The following GALNT16 variants were observed in gnomAD, a reference collection of about 807,000 sequenced individuals.
GALNT16 encodes polypeptide N-acetylgalactosaminyltransferase 16.
A neutral mutation model predicts 76.1 loss-of-function variants in GALNT16; 40 were observed. The observed-to-expected ratio is 0.53, with a 90% CI of 0.41 to 0.68. The LOEUF (loss-of-function observed/expected upper bound fraction) is 0.68. Ranked by LOEUF, GALNT16 falls within the 30% of genes least tolerant of loss-of-function variation. The pLI, the probability that GALNT16 is intolerant of heterozygous loss-of-function variation, is 0.00. For missense variants in GALNT16, 621 were observed against 731.9 expected (o/e 0.85, Z 1.75); for synonymous variants, 276 against 285.2 (o/e 0.97, Z 0.32).
At chr14:69,296,108 C>T in intron 1 of GALNT16, among the ~76,000 whole-genome samples, 1 of 152,166 alleles carries the variant, frequency 6.6e-6, no homozygotes, top group African/African-American at 2.4e-5. Flanking sequence ...CCTCAGGAAA[C>T]TTCCAATCAT....
intron 11 of GALNT16, 111 bp downstream of exon 11, chr14:69,339,730 CTG>C: frequency 3.1e-6 from 2 of 646,892 alleles, no homozygotes; most frequent in Non-Finnish European, 5.4e-6. Context: ...TCCCCAGCCA[CTG>C]AGGTCCCACT....
At chr14:69,363,660 GGTCA>G in the GALNT16 span, among the ~76,000 whole-genome samples, 1 of 138,638 alleles carries the variant, frequency 7.2e-6, no homozygotes, top group East Asian at 2.3e-4. Context: ...GTACAGAAGT[GGTCA>G]GTAAGTGTGT....
the GALNT16 span, among the ~76,000 whole-genome samples, chr14:69,374,832 T>C: frequency 3.9e-5 from 6 of 152,198 alleles, no homozygotes; most frequent in Non-Finnish European, 8.8e-5. Context: ...AGGGCCTTCA[T>C]GTCATCCCAT....
In GALNT16 at chr14:69,324,921, G is replaced by T. The variant is rs1049956929; in HGVS notation, c.434+131G>T. 4.0e-5 allele frequency: 24 copies of T among 595,594 alleles called. No homozygotes were observed. In the African/African-American group the frequency reaches 4.3e-4, roughly 11 times the overall value. The allele number at this position is 595,594 out of a possible 1,614,324, so 36.9% of individuals were successfully genotyped here. A position where few individuals can be genotyped will look rare whatever the true frequency, so the allele number is the denominator to read the frequency against. ...GAGTCCTGTACTTCTGAGAGGCTGAGACTGGTGAATCAGGGCCAGGAAGAC... is the reference window on the plus strand; with the variant it reads ...GAGTCCTGTACTTCTGAGAGGCTGATACTGGTGAATCAGGGCCAGGAAGAC... On this transcript the variant is annotated intron_variant, in intron 3 of 14. Transcript: ENST00000448469.
At chr14:69,271,045 C>G (rs1262093373) in intron 1 of GALNT16, among the ~76,000 whole-genome samples, 4 of 152,084 alleles carry the variant, frequency 2.6e-5, no homozygotes, top group African/African-American at 9.7e-5. Context: ...AAGTGGAAAG[C>G]AGAGGCTACC....
chr14:69,260,317 C>T lies in GALNT16; in HGVS notation c.27C>T (p.Ile9=). ...TGAGGAAGATCCGCGCCAATGCCAT[C>T]GCCATCCTGACCGTAGCCTGGATCC... is the stretch of plus-strand genomic sequence containing the variant. MRKIRANA[I]AILTVAWILG... The change falls in exon 1 of 15, where the codon ATC becomes ATT. Residue 9 remains isoleucine (I), a synonymous_variant. Coordinates refer to ENST00000448469, the MANE Select transcript of GALNT16 (RefSeq NM_001168368.2). 6.2e-7 allele frequency: 1 copy of T among 1,612,994 alleles called. No homozygotes were observed. Among genetic ancestry groups the T allele is most frequent in the Non-Finnish European group, 8.5e-7 (1 of 1,179,472 alleles).
chr14:69,273,276 C>T (rs1169987680), intron 1 of GALNT16, among the ~76,000 whole-genome samples: 1 of 152,192 alleles, frequency 6.6e-6, no homozygotes, highest in African/African-American at 2.4e-5. Context: ...AAGCCTTTTA[C>T]TCCCCTGGAA....
At chr14:69,379,505 C>T in the GALNT16 span, among the ~76,000 whole-genome samples, 5 of 152,244 alleles carry the variant, frequency 3.3e-5, no homozygotes, top group East Asian at 9.6e-4. Context: ...CATGAGCCTT[C>T]CAAAAAACTT....
intron 1 of GALNT16, among the ~76,000 whole-genome samples, chr14:69,288,547 C>G (rs571504762): frequency 6.6e-6 from 1 of 152,312 alleles, no homozygotes; most frequent in Non-Finnish European, 1.5e-5. Flanking sequence ...GGCCACGTTT[C>G]CTTCATTCAT....
intron 1 of GALNT16, among the ~76,000 whole-genome samples, chr14:69,308,688 C>G (rs1336144125): frequency 1.3e-5 from 2 of 152,162 alleles, no homozygotes; most frequent in Non-Finnish European, 2.9e-5. Flanking sequence ...AATCTATTGC[C>G]TAAACCAGGA....
At chr14:69,294,279 G>A (rs567198974) in intron 1 of GALNT16, among the ~76,000 whole-genome samples, 4 of 152,136 alleles carry the variant, frequency 2.6e-5, no homozygotes, top group South Asian at 2.1e-4. Context: ...GTGCCACTGC[G>A]CCTGGCTAAG....
intron 7 of GALNT16, chr14:69,332,527 T>TG (rs2045363697): frequency 6.4e-6 from 1 of 156,924 alleles, no homozygotes; most frequent in African/African-American, 2.4e-5. Flanking sequence ...AATCTGTTGC[T>TG]GGGAGCTGGC....
chr14:69,380,479 C>T, the GALNT16 span: 13 of 924,164 alleles, frequency 1.4e-5, no homozygotes, highest in Middle Eastern at 3.2e-4. Context: ...TCCACTACAG[C>T]ACGCTGTACA....
intron 2 of GALNT16, among the ~76,000 whole-genome samples, chr14:69,323,385 G>C (rs2045231810): frequency 6.6e-6 from 1 of 152,184 alleles, no homozygotes; most frequent in Non-Finnish European, 1.5e-5. Context: ...CCGGTGGGGA[G>C]GTCAAGTTCA....
Position 69,328,514 on chromosome 14 carries a change from T to C in GALNT16, c.633T>C (p.Asp211=), listed in dbSNP as rs1383345109. The change falls in exon 6 of 15, where the codon GAT becomes GAC. Residue 211 remains aspartate (D), a synonymous_variant. Transcript: ENST00000448469. The part of the protein sequence containing the change: ...VAAATVLTFL[D]SHCEVNTEWL... ...CAGCTACCGTTCTCACCTTTCTGGA[T>C]AGCCACTGCGAAGTGAACACCGAGT... is the stretch of plus-strand genomic sequence containing the variant. 2 of 1,613,954 alleles carry C rather than the reference T, an allele frequency of 1.2e-6. No individual in the cohort carries two copies. The highest frequency in any genetic ancestry group is 1.1e-5 in the South Asian group (1 of 91,078).
At chr14:69,345,703 A>AGTGTGTGT (rs55871607) in intron 12 of GALNT16, among the ~76,000 whole-genome samples, 1,799 of 134,956 alleles carry the variant, frequency 0.013, 33 homozygotes, top group African/African-American at 0.02. Flanking sequence ...ATAAGGTGTC[A>AGTGTGTGT]GTGTGTGTGT....
At chr14:69,299,649 G>A (rs944696455) in intron 1 of GALNT16, among the ~76,000 whole-genome samples, 2 of 152,172 alleles carry the variant, frequency 1.3e-5, no homozygotes, top group Non-Finnish European at 1.5e-5. Context: ...TGGAGGCTGA[G>A]TGAATTATAC....
At chr14:69,284,698 C>T (rs573796654) in intron 1 of GALNT16, among the ~76,000 whole-genome samples, 6 of 152,148 alleles carry the variant, frequency 3.9e-5, no homozygotes, top group East Asian at 1.9e-4. Flanking sequence ...AGTCACAAAA[C>T]GGGGACTGAT....
chr14:69,330,918 G>T (rs1172715438), intron 6 of GALNT16, among the ~76,000 whole-genome samples: 1 of 152,060 alleles, frequency 6.6e-6, no homozygotes, highest in Non-Finnish European at 1.5e-5. Context: ...CCTTGTAACA[G>T]TGGATGTGGT....
Sources: allele counts gnomAD v4.1 joint callset (sites outside exome capture counted in the v4.1 genomes callset), GRCh38; gene constraint gnomAD v4.1.1; transcripts MANE v1.5; gene names NCBI Gene and HGNC (gene_info 2026-07-23, HGNC 2026-07-21).